Variants in SRGAP1 observed in about 807,000 individuals in gnomAD.
SRGAP1 encodes the protein SLIT-ROBO Rho GTPase-activating protein 1.
A neutral mutation model predicts 121.9 loss-of-function variants in SRGAP1; 43 were observed. The observed-to-expected ratio is 0.35, with a 90% CI of 0.28 to 0.46. The LOEUF is 0.46. SRGAP1 is among the 20% of genes least tolerant of loss of function. SRGAP1 has a pLI of 1.00. For synonymous variants in SRGAP1, 447 were observed against 485.4 expected, an observed-to-expected ratio of 0.92 and a Z score of 1.04; for missense variants, 1,102 against 1,350.9, an observed-to-expected ratio of 0.82 and a Z score of 2.89.
intron 1 of SRGAP1, among the ~76,000 whole-genome samples, chr12:63,972,120 G>A (rs2032966427): frequency 1.3e-5 from 2 of 152,184 alleles, no homozygotes; most frequent in Non-Finnish European, 2.9e-5. Context: ...TTGGGAGGCC[G>A]AGGTGGGAGG....
chr12:63,983,134 CCCTGAAG>C (rs1374983808), intron 1 of SRGAP1: 1 of 152,282 alleles, frequency 6.6e-6, no homozygotes, highest in African/African-American at 2.4e-5. Flanking sequence ...TCCCTATAAG[CCCTGAAG>C]CTATGTGTTT....
Position 64,154,193 on chromosome 12 carries a change from A to G in SRGAP1, c.*11521A>G, listed in dbSNP as rs2136666699. On this transcript the variant is annotated 3_prime_UTR_variant, in exon 22 of 22. Coordinates refer to ENST00000355086, the MANE Select transcript of SRGAP1 (RefSeq NM_020762.4). Reference sequence around the variant, plus strand: ...GTGTTTACAGGGTTTCAGTTTTGCAAGATAAAAAGTTCTAAAGATCTGTTG... The same window carrying G: ...GTGTTTACAGGGTTTCAGTTTTGCAGGATAAAAAGTTCTAAAGATCTGTTG... The G allele has an allele frequency of 6.6e-6, 1 of 152,368 alleles. No individual in the cohort carries two copies. Among genetic ancestry groups the G allele is most frequent in the Non-Finnish European group, 1.5e-5 (1 of 68,042 alleles). The allele number at this position is 152,368 out of a possible 1,614,324, so 9.4% of individuals were successfully genotyped here.
intron 1 of SRGAP1, among the ~76,000 whole-genome samples, chr12:63,873,448 G>A (rs527839547): frequency 6.6e-6 from 1 of 150,378 alleles, no homozygotes; most frequent in Non-Finnish European, 1.5e-5. Flanking sequence ...CAGGAGAATC[G>A]CTTGAACCCA....
intron 1 of SRGAP1, among the ~76,000 whole-genome samples, chr12:63,868,576 G>A (rs932528077): frequency 1.3e-5 from 2 of 152,060 alleles, no homozygotes; most frequent in South Asian, 4.1e-4. Context: ...TGCCCAGGCT[G>A]GCCTTGAACT....
At chr12:64,051,911 C>G (rs2035245471) in intron 6 of SRGAP1, among the ~76,000 whole-genome samples, 1 of 151,984 alleles carries the variant, frequency 6.6e-6, no homozygotes, top group African/African-American at 2.4e-5. Flanking sequence ...CTTAATTGTG[C>G]CTTGTTAGGA....
intron 1 of SRGAP1, among the ~76,000 whole-genome samples, chr12:63,892,309 G>C (rs1944289409): frequency 6.6e-6 from 1 of 152,110 alleles, no homozygotes; most frequent in Non-Finnish European, 1.5e-5. Flanking sequence ...ATGAAAAACA[G>C]CCCTGAAAAA....
In SRGAP1 at chr12:63,965,241, A is replaced by T. The variant is rs939929943; in HGVS notation, c.68-18706A>T. Among the ~76,000 whole-genome samples, 2 of 152,300 alleles carry T rather than the reference A, an allele frequency of 1.3e-5. 1 individual carries two copies. ...AGACCAGTGGAGTTGTACCTTCCGC[A>T]CCAAAGACAGTATATGAACACATCA... On this transcript the variant is annotated intron_variant, in intron 1 of 21. Coordinates refer to ENST00000355086, the MANE Select transcript of SRGAP1 (RefSeq NM_020762.4).
chr12:63,939,541 C>A (rs1181780392), intron 1 of SRGAP1, among the ~76,000 whole-genome samples: 1 of 152,024 alleles, frequency 6.6e-6, no homozygotes, highest in Non-Finnish European at 1.5e-5. Flanking sequence ...AGAAAAGAGA[C>A]CAAGATAAAT....
chr12:63,863,962 C>G (rs1202214845), intron 1 of SRGAP1, among the ~76,000 whole-genome samples: 2 of 152,128 alleles, frequency 1.3e-5, no homozygotes, highest in African/African-American at 4.8e-5. Flanking sequence ...ACGGTTTGAA[C>G]CCCCAGCCAC....
In SRGAP1 at chr12:64,150,802, G is replaced by A. The variant is rs2037110764; in HGVS notation, c.*8130G>A. 8.2e-6 allele frequency: 1 copy of A among 122,238 alleles called. No individual in the cohort carries two copies. The highest frequency in any genetic ancestry group is 2.7e-5 in the African/African-American group (1 of 36,486). 7.6% of individuals were successfully genotyped at this position (122,238 alleles called of 1,614,324 possible). A position where few individuals can be genotyped will look rare whatever the true frequency, so the allele number is the denominator to read the frequency against. ...ATACAAAAATTAGCCAGACATAGTA[G>A]TACATGCCTATAGTACTAGGTACTT... is the stretch of plus-strand genomic sequence containing the variant. On this transcript the variant is annotated 3_prime_UTR_variant, in exon 22 of 22. Coordinates refer to ENST00000355086, the MANE Select transcript of SRGAP1 (RefSeq NM_020762.4).
chr12:64,033,111 T>C (rs994223895), intron 4 of SRGAP1, among the ~76,000 whole-genome samples: 1 of 152,148 alleles, frequency 6.6e-6, no homozygotes, highest in African/African-American at 2.4e-5. Flanking sequence ...GTGATGTTTC[T>C]TAGCTTTATT....
chr12:64,077,181 C>T (rs1005292326), intron 8 of SRGAP1, among the ~76,000 whole-genome samples: 3 of 152,078 alleles, frequency 2.0e-5, no homozygotes. Context: ...CAATGACAGA[C>T]TGATGGTAAC....
intron 1 of SRGAP1, among the ~76,000 whole-genome samples, chr12:63,925,759 C>G (rs559878979): frequency 6.6e-6 from 1 of 152,112 alleles, no homozygotes; most frequent in Non-Finnish European, 1.5e-5. Context: ...TTGTACTGAT[C>G]AGGCCAGCCC....
chr12:63,930,178 A>G (rs935090882), intron 1 of SRGAP1, among the ~76,000 whole-genome samples: 3 of 152,102 alleles, frequency 2.0e-5, no homozygotes, highest in African/African-American at 7.2e-5. Flanking sequence ...GAAATAACAG[A>G]AATTCGTAAC....
intron 8 of SRGAP1, among the ~76,000 whole-genome samples, chr12:64,066,992 T>C (rs1360267852): frequency 6.6e-6 from 1 of 151,806 alleles, no homozygotes; most frequent in Non-Finnish European, 1.5e-5. Context: ...CACAGATCTG[T>C]TTTGTTTGGC....
At chr12:64,028,628 C>G (rs2034704930) in intron 4 of SRGAP1, among the ~76,000 whole-genome samples, 1 of 152,216 alleles carries the variant, frequency 6.6e-6, no homozygotes, top group African/African-American at 2.4e-5. Flanking sequence ...GGTGAAACCC[C>G]TTTGTGGCTC....
chr12:64,008,964 A>T lies in SRGAP1; in HGVS notation c.427-7986A>T, dbSNP rs547144589. 2.0e-5 allele frequency among the ~76,000 whole-genome samples: 3 copies of T among 152,240 alleles called. No homozygotes were observed. The East Asian group carries it at 5.8e-4, about 29-fold the overall frequency. The stretch of plus-strand genomic sequence containing the variant: ...ATAATCCCAGCCACCTGAGTTGTAG[A>T]TGTGAGCTTTTGGTCACACCAGGGA... On this transcript the variant is annotated intron_variant, in intron 3 of 21. Coordinates refer to ENST00000355086, the MANE Select transcript of SRGAP1 (RefSeq NM_020762.4).
intron 1 of SRGAP1, among the ~76,000 whole-genome samples, chr12:63,940,126 T>C (rs2136349220): frequency 6.6e-6 from 1 of 152,098 alleles, no homozygotes; most frequent in Admixed American, 6.5e-5. Context: ...CATGCCTGGC[T>C]AATTTTTGTA....
At chr12:64,090,489 A>G (rs1419579361) in intron 11 of SRGAP1, among the ~76,000 whole-genome samples, 1 of 152,234 alleles carries the variant, frequency 6.6e-6, no homozygotes, top group Non-Finnish European at 1.5e-5. Context: ...TTACTTTTGC[A>G]TGAAATAAAA....
Sources: gnomAD v4.1 joint callset for allele counts (sites outside exome capture counted in the v4.1 genomes callset) on GRCh38, gnomAD v4.1.1 for gene constraint, MANE v1.5 for transcripts, NCBI Gene and HGNC (gene_info 2026-07-23, HGNC 2026-07-21) for gene names.